ACAA1: variants seen among roughly 807,000 people sequenced by gnomAD.
ACAA1 encodes the protein acetyl-CoA acyltransferase 1, also known as 3-ketoacyl-CoA thiolase, peroxisomal.
A neutral mutation model predicts 48.8 loss-of-function variants in ACAA1; 44 were observed. The observed-to-expected ratio is 0.90, with a 90% CI of 0.71 to 1.16. ACAA1 has a LOEUF of 1.16. ACAA1 is among the 50% of genes most tolerant of loss of function. ACAA1 has a pLI of 0.00. For missense variants in ACAA1, 512 were observed against 562.3 expected (o/e 0.91, Z 0.90); for synonymous variants, 233 against 226.5 (o/e 1.03, Z -0.26).
At chr3:38,133,847 G>T in intron 3 of ACAA1, 105 bp downstream of exon 3, 1 of 1,180,276 alleles carries the variant, frequency 8.5e-7, no homozygotes, top group Non-Finnish European at 1.3e-6. Context: ...GCCTCATTCT[G>T]GTGTCCAACC....
Position 38,133,966 on chromosome 3 carries a change from G to A in ACAA1, c.309C>T (p.Ile103=), listed in dbSNP as rs761918837. Residue 103 remains isoleucine, a synonymous_variant, in exon 3 of 12, where the codon ATC becomes ATT. Coordinates refer to ENST00000333167, the MANE Select transcript of ACAA1 (RefSeq NM_001607.4). Reference sequence around the variant, plus strand: ...GAAAAGTTTACCTCAGAAACTGGGCGATTCGGGCCATGATTGCCCCGGCCC... The same window carrying A: ...GAAAAGTTTACCTCAGAAACTGGGCAATTCGGGCCATGATTGCCCCGGCCC... ...QPGAGAIMAR[I]AQFLSDIPET... 17 of 1,614,058 alleles carry A rather than the reference G, an allele frequency of 1.1e-5. No individual in the cohort carries two copies. The highest frequency in any genetic ancestry group is 8.0e-5 in the African/African-American group (6 of 74,924).
At chr3:38,133,722 A>T (rs1700832764) in intron 3 of ACAA1, 6 of 558,792 alleles carry the variant, frequency 1.1e-5, no homozygotes, top group Non-Finnish European at 1.9e-5. Context: ...TTGGCTAAAA[A>T]TCAAGCTACA....
chr3:38,126,436 C>G lies in ACAA1; in HGVS notation c.817+74G>C. On this transcript the variant is annotated intron_variant, in intron 8 of 11. Transcript: ENST00000333167. The surrounding 1 kb of genome is among the most constrained non-coding windows in gnomAD (Gnocchi z 4.7). The stretch of plus-strand genomic sequence containing the variant: ...ACTTTGCAGAGGGGCCTGGTCTATT[C>G]CAGGTTCCCAGAGTACAGCACCCAG... The G allele has an allele frequency of 1.2e-6, 2 of 1,610,252 alleles. No homozygotes were observed. Among genetic ancestry groups the G allele is most frequent in the Non-Finnish European group, 1.7e-6 (2 of 1,177,482 alleles).
At position 38,126,753 on chromosome 3, in the gene ACAA1, C is replaced by G; in HGVS notation, c.627-53G>C. On this transcript the variant is annotated intron_variant, in intron 7 of 11. Coordinates refer to ENST00000333167, the MANE Select transcript of ACAA1 (RefSeq NM_001607.4). The surrounding 1 kb of genome is among the most constrained non-coding windows in gnomAD (Gnocchi z 4.7). ...AGACTCCCTTGGGGTTCCCTTCCTC[C>G]CTGCCCCCAACCCCTATCCATTTGG... 1 of 1,604,066 alleles carries G rather than the reference C, an allele frequency of 6.2e-7. No homozygotes were observed. Among genetic ancestry groups the G allele is most frequent in the Non-Finnish European group, 8.5e-7 (1 of 1,175,026 alleles).
intron 1 of ACAA1, 48 bp downstream of exon 1, chr3:38,136,817 C>CCG (rs1478816332): frequency 1.9e-5 from 28 of 1,487,592 alleles, no homozygotes; most frequent in Non-Finnish European, 2.4e-5. Flanking sequence ...GGACCCCAGC[C>CCG]CGCGCCGGCG....
chr3:38,123,108 A>G lies in ACAA1; in HGVS notation c.1214T>C (p.Val405Ala). 1.2e-6 allele frequency: 2 copies of G among 1,614,190 alleles called. No individual in the cohort carries two copies. The highest frequency in any genetic ancestry group is 1.7e-6 in the Non-Finnish European group (2 of 1,180,026). ...KRRGKRAYGVVSMCIGTGMGA... is the reference protein window; with the variant it reads ...KRRGKRAYGVASMCIGTGMGA... ...CATTCCAGTCCCGATGCACATGGAC[A>G]CCACTCCGTATGCCCTGTGAAAACA... Residue 405 changes from valine to alanine, a missense_variant, in exon 12 of 12, where the codon GTG becomes GCG. Physicochemically the swap from Val to Ala is moderately conservative, Grantham distance 64 (BLOSUM62 0). Transcript: ENST00000333167.
intron 11 of ACAA1, 120 bp from the exon 12 acceptor site, chr3:38,123,242 G>A: frequency 1.1e-6 from 1 of 923,840 alleles, no homozygotes; most frequent in Middle Eastern, 2.1e-4. Context: ...CAGATCTGTG[G>A]GCAAGCGGTA....
intron 2 of ACAA1, among the ~76,000 whole-genome samples, chr3:38,135,816 C>T (rs1183383636): frequency 6.6e-6 from 1 of 152,032 alleles, no homozygotes; most frequent in East Asian, 1.9e-4. Flanking sequence ...CGACCCTTTA[C>T]GGGTGTCTGC....
rs768055028 is a variant in ACAA1 at position 38,126,746 on chromosome 3, C to A, written c.627-46G>T. 1 of 1,607,978 alleles carries A rather than the reference C, an allele frequency of 6.2e-7. No homozygotes were observed. The highest frequency in any genetic ancestry group is 2.2e-5 in the East Asian group (1 of 44,818). On this transcript the variant is annotated intron_variant, in intron 7 of 11. Coordinates refer to ENST00000333167, the MANE Select transcript of ACAA1 (RefSeq NM_001607.4). The surrounding 1 kb of genome is among the most constrained non-coding windows in gnomAD (Gnocchi z 4.7). ...CAGCTTCAGACTCCCTTGGGGTTCCCTTCCTCCCTGCCCCCAACCCCTATC... is the reference window on the plus strand; with the variant it reads ...CAGCTTCAGACTCCCTTGGGGTTCCATTCCTCCCTGCCCCCAACCCCTATC...
At chr3:38,127,220 G>C (rs1218423531) in intron 7 of ACAA1, among the ~76,000 whole-genome samples, 1 of 152,214 alleles carries the variant, frequency 6.6e-6, no homozygotes, top group Non-Finnish European at 1.5e-5. Flanking sequence ...GGACATTCAA[G>C]TGGAAGGAAT....
In ACAA1 at chr3:38,136,852, C is replaced by G; in HGVS notation, c.171+13G>C. Reference sequence around the variant, plus strand: ...GTCTTCCCACACTCGGCGCCCAGACCCTCGGGCCTCACCTTGAAGCCGCCG... The same window carrying G: ...GTCTTCCCACACTCGGCGCCCAGACGCTCGGGCCTCACCTTGAAGCCGCCG... On this transcript the variant is annotated intron_variant, in intron 1 of 11. Coordinates refer to ENST00000333167, the MANE Select transcript of ACAA1 (RefSeq NM_001607.4). 6.6e-7 allele frequency: 1 copy of G among 1,520,924 alleles called. No homozygotes were observed. The highest frequency in any genetic ancestry group is 8.8e-7 in the Non-Finnish European group (1 of 1,139,572). 94.2% of individuals were successfully genotyped at this position (1,520,924 alleles called of 1,614,324 possible).
chr3:38,126,216 C>G lies in ACAA1; in HGVS notation c.943G>C (p.Asp315His). 6.2e-7 allele frequency: 1 copy of G among 1,614,180 alleles called. No individual in the cohort carries two copies. The highest frequency in any genetic ancestry group is 8.5e-7 in the Non-Finnish European group (1 of 1,180,020). The change falls in exon 9 of 12, where the codon GAC becomes CAC. Residue 315 changes from aspartate (D) to histidine (H), a missense_variant. Transcript: ENST00000333167. The surrounding 1 kb of genome is among the most constrained non-coding windows in gnomAD (Gnocchi z 4.7). ...RSYAVVGVPP[D>H]IMGIGPAYAI... is the part of the protein sequence containing the mutation. ...TAGGCAGGTCCAATGCCCATGATGT[C>G]AGGTGGGACCCCAACCACTGCATAA... is the stretch of plus-strand genomic sequence containing the variant.
At chr3:38,130,033 C>G (rs1284676896) in intron 5 of ACAA1, among the ~76,000 whole-genome samples, 1 of 152,280 alleles carries the variant, frequency 6.6e-6, no homozygotes, top group Non-Finnish European at 1.5e-5. Flanking sequence ...GAGCGAGACT[C>G]TGTCTCAAAA....
intron 11 of ACAA1, chr3:38,124,111 A>G (rs1003589198): frequency 6.6e-6 from 1 of 152,228 alleles, no homozygotes; most frequent in Non-Finnish European, 1.5e-5. Flanking sequence ...ATAGAAAATA[A>G]TTACAAATTT....
chr3:38,134,201 T>C (rs551364070), intron 2 of ACAA1, 192 bp from the exon 3 acceptor site: 2 of 603,626 alleles, frequency 3.3e-6, no homozygotes, highest in East Asian at 5.7e-5. Context: ...GTCCTGGTCA[T>C]CCACCAGCTC....
At chr3:38,127,359 T>C (rs1700700660) in intron 7 of ACAA1, among the ~76,000 whole-genome samples, 1 of 152,142 alleles carries the variant, frequency 6.6e-6, no homozygotes, top group Non-Finnish European at 1.5e-5. Context: ...AGCCGGGACT[T>C]GCCAATCTTA....
rs1398619233 is a variant in ACAA1, at chr3:38,127,793, G to A, written c.619C>T (p.Gln207Ter). Residue 207 changes from glutamine (Q) to a stop codon, truncating the protein, a stop_gained, in exon 7 of 12, where the codon CAG (glutamine) becomes TAG (stop). Transcript: ENST00000333167. LOFTEE classifies it high-confidence loss of function. The part of the protein sequence containing the change: ...EKQDTFALAS[Q>*]QKAARAQSKG... Reference sequence around the variant, plus strand: ...TCCCCAATCAGCACTCACTTCTGCTGGGAAGCCAGGGCAAAGGTATCCTGC... The same window carrying A: ...TCCCCAATCAGCACTCACTTCTGCTAGGAAGCCAGGGCAAAGGTATCCTGC... The A allele has an allele frequency of 6.2e-7, 1 of 1,613,956 alleles. No homozygotes were observed. Among genetic ancestry groups the A allele is most frequent in the East Asian group, 2.2e-5 (1 of 44,886 alleles).
chr3:38,123,195 G>A, intron 11 of ACAA1, 73 bp from the exon 12 acceptor site: 1 of 1,415,354 alleles, frequency 7.1e-7, no homozygotes, highest in East Asian at 2.3e-5. Flanking sequence ...TGACCCAGAA[G>A]GACGTCATGG....
rs781323776 is a variant in ACAA1, at chr3:38,137,002, T to G, written c.34A>C (p.Arg12=). 6.4e-7 allele frequency: 1 copy of G among 1,566,018 alleles called. No individual in the cohort carries two copies. The highest frequency in any genetic ancestry group is 1.4e-5 in the African/African-American group (1 of 72,878). The change falls in exon 1 of 12, where the codon AGG becomes CGG. Residue 12 remains arginine (R), a synonymous_variant. Coordinates refer to ENST00000333167, the MANE Select transcript of ACAA1 (RefSeq NM_001607.4). ...ATCCAGCCGGAATCGGCCGGACCCC[T>G]CAGGTGGCCCAGCACTACCTGCAGC... is the stretch of plus-strand genomic sequence containing the variant. ...QRLQVVLGHL[R]GPADSGWMPQ...
Sources: gnomAD v4.1 joint callset for allele counts (sites outside exome capture counted in the v4.1 genomes callset) on GRCh38, gnomAD v4.1.1 for gene constraint, Gnocchi (gnomAD v3.1) non-coding constraint, MANE v1.5 for transcripts, NCBI Gene and HGNC (gene_info 2026-07-23, HGNC 2026-07-21) for gene names.